TCF7L2: variants seen among roughly 807,000 people sequenced by gnomAD.
TCF7L2 encodes the protein transcription factor 7 like 2.
Under a neutral mutation model 77.9 loss-of-function variants are expected in TCF7L2, and 23 were observed. The observed-to-expected ratio is 0.30, with a 90% confidence interval of 0.21 to 0.42. The LOEUF is 0.42. Among genes scored for constraint, TCF7L2 ranks in the 10% least tolerant of loss-of-function variants. The pLI is 1.00. For synonymous variants in TCF7L2, 413 were observed against 340.2 expected, an observed-to-expected ratio of 1.21 and a Z score of -2.36; for missense variants, 654 against 793.1, an observed-to-expected ratio of 0.82 and a Z score of 2.11.
At chr10:113,152,640 C>T (rs2071003745) in intron 11 of TCF7L2, among the ~76,000 whole-genome samples, 200 bp downstream of exon 11, 1 of 152,154 alleles carries the variant, frequency 6.6e-6, no homozygotes, top group Non-Finnish European at 1.5e-5. Flanking sequence ...GATCAGCTCA[C>T]AGTCATTCTT....
chr10:113,139,264 C>T (rs2067923495), intron 5 of TCF7L2, among the ~76,000 whole-genome samples: 1 of 152,186 alleles, frequency 6.6e-6, no homozygotes, highest in South Asian at 2.1e-4. Flanking sequence ...CTGTCTCTTT[C>T]CCTCCCTTCC....
intron 4 of TCF7L2, among the ~76,000 whole-genome samples, chr10:112,980,647 G>A (rs1346908880): frequency 1.3e-5 from 2 of 148,370 alleles, no homozygotes; most frequent in Admixed American, 1.3e-4. Flanking sequence ...TTTTTGAAAC[G>A]GAGTCTCACT....
intron 5 of TCF7L2, among the ~76,000 whole-genome samples, chr10:113,072,343 C>T (rs192947810): frequency 1.1e-4 from 17 of 148,936 alleles, no homozygotes; most frequent in Non-Finnish European, 8.9e-5. Context: ...CGTGAGTCAC[C>T]GCGCCTGGCC....
rs2137656067 is a variant in TCF7L2 at position 113,165,883 on chromosome 10, C to T, written c.1720C>T (p.Gln574Ter). 6.2e-7 allele frequency: 1 copy of T among 1,604,342 alleles called. No individual in the cohort carries two copies. Reference sequence around the variant, plus strand: ...TGCCGCCCCCTCCTCATCAATTGCACAGCCGTCGACTTCTTCCTTACATTC... The same window carrying T: ...TGCCGCCCCCTCCTCATCAATTGCATAGCCGTCGACTTCTTCCTTACATTC... The change falls in exon 14 of 14, where the codon CAG (glutamine) becomes TAG (stop). Residue 574 changes from glutamine to a stop codon, truncating the protein, a stop_gained. Coordinates refer to ENST00000627217, the MANE Select transcript of TCF7L2 (RefSeq NM_001146274.2). LOFTEE classifies it high-confidence loss of function.
rs116449537 is a variant in TCF7L2 at position 113,050,505 on chromosome 10, C to T, written c.552+10379C>T. On this transcript the variant is annotated intron_variant, in intron 5 of 13. Transcript: ENST00000627217. ...CTAGCCCTTTCAGATTGAAAGGAGA[C>T]GCCAACCTTGATGGGTGGAGGTAGA... Among the ~76,000 whole-genome samples, 949 of 152,196 alleles carry T rather than the reference C, an allele frequency of 6.2e-3. 12 individuals are homozygous for T. Among genetic ancestry groups the T allele is most frequent in the African/African-American group, 0.021 (862 of 41,512 alleles).
intron 5 of TCF7L2, among the ~76,000 whole-genome samples, chr10:113,075,872 G>A (rs951857722): frequency 6.6e-6 from 1 of 151,730 alleles, no homozygotes; most frequent in Non-Finnish European, 1.5e-5. Context: ...CTTACAGCCG[G>A]GGCCTGTAAT....
rs1463460704 is a variant in TCF7L2 at position 113,021,519 on chromosome 10, A to T, written c.451-18506A>T. Among the ~76,000 whole-genome samples, 4 of 152,214 alleles carry T rather than the reference A, an allele frequency of 2.6e-5. No homozygotes were observed. The East Asian group carries it at 7.7e-4, about 29-fold the overall frequency. ...AGCTGACATTTCTTGAGCGCTTGCCATATGCTGGGTGTACTACTATAAGCT... is the reference window on the plus strand; with the variant it reads ...AGCTGACATTTCTTGAGCGCTTGCCTTATGCTGGGTGTACTACTATAAGCT... On this transcript the variant is annotated intron_variant, in intron 4 of 13. Transcript: ENST00000627217.
intron 3 of TCF7L2, among the ~76,000 whole-genome samples, chr10:112,957,744 T>G (rs1041345242): frequency 6.6e-6 from 1 of 152,156 alleles, no homozygotes; most frequent in African/African-American, 2.4e-5. Context: ...CAGATGTGTT[T>G]CCTATCAGTT....
chr10:113,100,713 G>A (rs1437334303), intron 5 of TCF7L2, among the ~76,000 whole-genome samples: 1 of 152,194 alleles, frequency 6.6e-6, no homozygotes, highest in Non-Finnish European at 1.5e-5. Flanking sequence ...GAGTATACGG[G>A]ATTCTTTTTT....
At position 113,151,843 on chromosome 10, in the gene TCF7L2, T is replaced by C. The variant is rs778632550; in HGVS notation, c.1120T>C (p.Leu374=). 1.2e-5 allele frequency: 19 copies of C among 1,612,686 alleles called. No homozygotes were observed. The highest frequency in any genetic ancestry group is 8.4e-5 in the Admixed American group (5 of 59,596). The change falls in exon 10 of 14, where the codon TTG becomes CTG. Residue 374 remains leucine (L), a synonymous_variant. Coordinates refer to ENST00000627217, the MANE Select transcript of TCF7L2 (RefSeq NM_001146274.2). The surrounding 1 kb of genome is among the most constrained non-coding windows in gnomAD (Gnocchi z 5.2). ...AGCAAAGGTCGTAGCTGAGTGCACG[T>C]TGAAAGAAAGCGCGGCCATCAACCA...
chr10:113,011,864 T>C (rs1331650565), intron 4 of TCF7L2, among the ~76,000 whole-genome samples: 3 of 151,984 alleles, frequency 2.0e-5, no homozygotes, highest in Non-Finnish European at 4.4e-5. Context: ...TGTTCTTGAG[T>C]ATTGCTACCT....
chr10:113,037,782 C>T (rs909892491), intron 4 of TCF7L2, among the ~76,000 whole-genome samples: 3 of 152,174 alleles, frequency 2.0e-5, no homozygotes, highest in Admixed American at 1.3e-4. Context: ...TCCACCAATC[C>T]AGCTCTCCCC....
intron 5 of TCF7L2, among the ~76,000 whole-genome samples, chr10:113,116,386 T>C (rs1156632916): frequency 6.6e-6 from 1 of 152,210 alleles, no homozygotes. Flanking sequence ...TAATCTAAAT[T>C]AGACCTAATT....
At chr10:113,018,513 T>C (rs1394877591) in intron 4 of TCF7L2, among the ~76,000 whole-genome samples, 1 of 143,566 alleles carries the variant, frequency 7.0e-6, no homozygotes, top group Admixed American at 7.2e-5. Flanking sequence ...AGTGACGCGG[T>C]CTCGGCTCAC....
At chr10:113,048,375 A>G (rs1366059941) in intron 5 of TCF7L2, among the ~76,000 whole-genome samples, 2 of 152,200 alleles carry the variant, frequency 1.3e-5, no homozygotes, top group Admixed American at 6.5e-5. Context: ...CTTGAAGCCA[A>G]GGAGCCCTGT....
At chr10:113,029,731 T>C (rs1450292526) in intron 4 of TCF7L2, among the ~76,000 whole-genome samples, 1 of 152,100 alleles carries the variant, frequency 6.6e-6, no homozygotes, top group Non-Finnish European at 1.5e-5. Flanking sequence ...TTCATCACTT[T>C]GGTCAGTCTG....
chr10:113,095,281 C>T (rs2060835054), intron 5 of TCF7L2, among the ~76,000 whole-genome samples: 1 of 152,128 alleles, frequency 6.6e-6, no homozygotes, highest in Non-Finnish European at 1.5e-5. Context: ...ATGTATAGCC[C>T]CGGATTGTTC....
chr10:113,096,337 C>A (rs2060971215), intron 5 of TCF7L2, among the ~76,000 whole-genome samples: 1 of 152,136 alleles, frequency 6.6e-6, no homozygotes, highest in African/African-American at 2.4e-5. Flanking sequence ...TTAATTTACT[C>A]ATTTTTATTA....
chr10:113,150,373 A>G (rs2070481814), intron 8 of TCF7L2, among the ~76,000 whole-genome samples: 1 of 151,244 alleles, frequency 6.6e-6, no homozygotes, highest in African/African-American at 2.4e-5. Flanking sequence ...TAAAATGTCC[A>G]TGACTTATGA....
Sources: allele counts gnomAD v4.1 joint callset (sites outside exome capture counted in the v4.1 genomes callset), GRCh38; gene constraint gnomAD v4.1.1; non-coding constraint Gnocchi (gnomAD v3.1); transcripts MANE v1.5; gene names NCBI Gene and HGNC (gene_info 2026-07-23, HGNC 2026-07-21).